The following EXOC4 variants were observed in gnomAD, a reference collection of about 807,000 sequenced individuals.
EXOC4 encodes the protein exocyst complex component 4.
A neutral mutation model predicts 107.2 loss-of-function variants in EXOC4; 71 were observed. The observed-to-expected ratio is 0.66, with a 90% CI of 0.55 to 0.81. The LOEUF (loss-of-function observed/expected upper bound fraction) is 0.81. Ranked by LOEUF, EXOC4 falls within the 30% of genes least tolerant of loss-of-function variation. The pLI is 0.00. For synonymous variants in EXOC4, 456 were observed against 441.2 expected, an observed-to-expected ratio of 1.03 and a Z score of -0.42; for missense variants, 1,108 against 1,189.6, an observed-to-expected ratio of 0.93 and a Z score of 1.01.
chr7:133,330,038 A>G (rs927556412), intron 5 of EXOC4, among the ~76,000 whole-genome samples: 1 of 151,970 alleles, frequency 6.6e-6, no homozygotes, highest in African/African-American at 2.4e-5. Context: ...CCCTTCCCCT[A>G]GGTGCTCTGT....
At chr7:133,584,580 T>TTTC (rs1801355233) in intron 9 of EXOC4, among the ~76,000 whole-genome samples, 1 of 135,662 alleles carries the variant, frequency 7.4e-6, no homozygotes, top group Admixed American at 7.4e-5. Flanking sequence ...TTCAGTTTTT[T>TTTC]TTTTGTTTTT....
intron 10 of EXOC4, among the ~76,000 whole-genome samples, chr7:133,760,417 T>C (rs1796009569): frequency 6.6e-6 from 1 of 152,186 alleles, no homozygotes; most frequent in Non-Finnish European, 1.5e-5. Context: ...ATGTCAATTC[T>C]TAGAGTAGGG....
At chr7:134,083,926 C>T in the EXOC4 span, among the ~76,000 whole-genome samples, 1 of 152,194 alleles carries the variant, frequency 6.6e-6, no homozygotes, top group Non-Finnish European at 1.5e-5. Flanking sequence ...CCTTCTGCTC[C>T]TCTACTGTGT....
rs558786330 is a variant in EXOC4 at position 133,262,135 on chromosome 7, T to TA, written c.86+8956dup. On this transcript the variant is annotated intron_variant, in intron 1 of 17. Coordinates refer to ENST00000253861, the MANE Select transcript of EXOC4 (RefSeq NM_021807.4). ...AGAAGTCCATCAGTACTTCTTATTTTAAAAAAAATCTCTAAAAGTACTATT... is the reference window on the plus strand; with the variant it reads ...AGAAGTCCATCAGTACTTCTTATTTTAAAAAAAAATCTCTAAAAGTACTATT... 2.4e-4 allele frequency among the ~76,000 whole-genome samples: 37 copies of TA among 152,204 alleles called. No individual in the cohort carries two copies. In the East Asian group the frequency reaches 3.5e-3, roughly 14 times the overall value.
chr7:133,728,228 A>G (rs1795255996), intron 10 of EXOC4, among the ~76,000 whole-genome samples: 1 of 152,242 alleles, frequency 6.6e-6, no homozygotes, highest in African/African-American at 2.4e-5. Context: ...ATGGGAAGCT[A>G]AACCTCTGCT....
At chr7:133,267,220 T>TCAG (rs1793750358) in intron 1 of EXOC4, among the ~76,000 whole-genome samples, 1 of 152,246 alleles carries the variant, frequency 6.6e-6, no homozygotes, top group African/African-American at 2.4e-5. Context: ...TGAAAGGTTA[T>TCAG]CAGGCTTTGG....
chr7:134,036,599 AAG>A (rs1037065037), intron 17 of EXOC4, among the ~76,000 whole-genome samples: 1 of 152,214 alleles, frequency 6.6e-6, no homozygotes, highest in Non-Finnish European at 1.5e-5. Flanking sequence ...AAAGAAAAAA[AAG>A]AGAGAGAATT....
At chr7:133,646,543 C>T (rs1411339455) in intron 10 of EXOC4, among the ~76,000 whole-genome samples, 1 of 151,970 alleles carries the variant, frequency 6.6e-6, no homozygotes, top group African/African-American at 2.4e-5. Context: ...TCTTCTCAGT[C>T]TTCTAGATGC....
At chr7:133,861,525 T>TTTTTG (rs935145164) in intron 11 of EXOC4, among the ~76,000 whole-genome samples, 9 of 151,592 alleles carry the variant, frequency 5.9e-5, no homozygotes, top group Middle Eastern at 3.4e-3. Context: ...ATCCACTGTT[T>TTTTTG]TTTTGTTTTG....
chr7:133,848,217 G>A (rs1047279986), intron 11 of EXOC4, among the ~76,000 whole-genome samples: 10 of 152,198 alleles, frequency 6.6e-5, no homozygotes, highest in South Asian at 4.1e-4. Context: ...GAACAAATGT[G>A]AAAGGAGCCT....
chr7:134,067,729 C>T (rs1236893637), downstream of EXOC4, among the ~76,000 whole-genome samples: 3 of 149,964 alleles, frequency 2.0e-5, no homozygotes, highest in South Asian at 6.4e-4. Flanking sequence ...TTTTTGGTTA[C>T]TTTTAGCTAT....
chr7:133,297,918 C>T (rs976754625), intron 3 of EXOC4, among the ~76,000 whole-genome samples: 3 of 152,184 alleles, frequency 2.0e-5, no homozygotes, highest in South Asian at 2.1e-4. Context: ...CTGCCATCCT[C>T]CATCATATTT....
At chr7:133,365,090 G>T (rs1029376879) in intron 6 of EXOC4, among the ~76,000 whole-genome samples, 27 of 152,138 alleles carry the variant, frequency 1.8e-4, no homozygotes, top group African/African-American at 6.5e-4. Flanking sequence ...GTTGAGAAGC[G>T]TGAAAAGCAG....
chr7:133,436,814 A>G (rs1272988631), intron 7 of EXOC4, among the ~76,000 whole-genome samples: 1 of 152,198 alleles, frequency 6.6e-6, no homozygotes, highest in Non-Finnish European at 1.5e-5. Context: ...CTTGTAGGAA[A>G]TGCATTTCTT....
chr7:133,955,630 G>A (rs1322714390), intron 14 of EXOC4, among the ~76,000 whole-genome samples: 2 of 152,190 alleles, frequency 1.3e-5, no homozygotes, highest in Non-Finnish European at 2.9e-5. Flanking sequence ...GCTTCACCGG[G>A]GACCTGGCCC....
intron 10 of EXOC4, among the ~76,000 whole-genome samples, chr7:133,663,322 C>T (rs1001952173): frequency 6.6e-6 from 1 of 152,034 alleles, no homozygotes; most frequent in Admixed American, 6.6e-5. Context: ...CATTGGCCAC[C>T]TTTTCTTCTT....
intron 5 of EXOC4, among the ~76,000 whole-genome samples, chr7:133,325,830 C>G (rs1026311564): frequency 1.3e-5 from 2 of 152,216 alleles, no homozygotes; most frequent in African/African-American, 4.8e-5. Flanking sequence ...TCCATTCTCC[C>G]TGTCGCTTTC....
chr7:133,650,590 C>G (rs780370130), intron 10 of EXOC4, among the ~76,000 whole-genome samples: 2 of 152,112 alleles, frequency 1.3e-5, no homozygotes, highest in Non-Finnish European at 2.9e-5. Flanking sequence ...CATGCCACTT[C>G]AAACTAATGG....
At chr7:133,446,456 T>C (rs185793153) in intron 7 of EXOC4, among the ~76,000 whole-genome samples, 2 of 152,308 alleles carry the variant, frequency 1.3e-5, no homozygotes, top group East Asian at 3.9e-4. Flanking sequence ...TAGCTTCTTC[T>C]CTAGTTTGCT....
Sources: gnomAD v4.1 joint callset for allele counts (sites outside exome capture counted in the v4.1 genomes callset) on GRCh38, gnomAD v4.1.1 for gene constraint, MANE v1.5 for transcripts, NCBI Gene and HGNC (gene_info 2026-07-23, HGNC 2026-07-21) for gene names.